The following CADM2 variants were observed in gnomAD, a reference collection of about 807,000 sequenced individuals.
CADM2 encodes immunoglobulin superfamily member 4D.
Under a neutral mutation model 49.8 loss-of-function variants are expected in CADM2, and 12 were observed. The observed-to-expected ratio is 0.24, with a 90% confidence interval of 0.15 to 0.39. The LOEUF is 0.39. CADM2 is among the 10% of genes least tolerant of loss of function. CADM2 has a pLI of 1.00. For missense variants in CADM2, 378 were observed against 492.3 expected, an observed-to-expected ratio of 0.77 and a Z score of 2.20; for synonymous variants, 214 against 175.4, an observed-to-expected ratio of 1.22 and a Z score of -1.74.
At chr3:85,676,803 C>A (rs528929559) in intron 1 of CADM2, among the ~76,000 whole-genome samples, 1 of 152,244 alleles carries the variant, frequency 6.6e-6, no homozygotes, top group South Asian at 2.1e-4. Flanking sequence ...TGCTTTAACA[C>A]TTCTTTGTCA....
intron 1 of CADM2, among the ~76,000 whole-genome samples, chr3:85,601,641 C>T (rs1251651476): frequency 3.3e-5 from 5 of 151,042 alleles, no homozygotes; most frequent in Non-Finnish European, 7.4e-5. Flanking sequence ...TTTAAAAAAA[C>T]GTTTATATTC....
intron 1 of CADM2, among the ~76,000 whole-genome samples, chr3:85,696,420 A>G: frequency 6.6e-6 from 1 of 152,006 alleles, no homozygotes; most frequent in African/African-American, 2.4e-5. Flanking sequence ...TAAGTCTTTA[A>G]TCCACCTTGA....
intron 1 of CADM2, among the ~76,000 whole-genome samples, chr3:85,371,068 C>CA (rs1028934059): frequency 2.0e-5 from 3 of 151,582 alleles, no homozygotes; most frequent in Admixed American, 6.6e-5. Context: ...AGAAAAAAGT[C>CA]AAAAAAATTC....
At chr3:85,650,439 TG>T (rs2065010532) in intron 1 of CADM2, among the ~76,000 whole-genome samples, 1 of 151,598 alleles carries the variant, frequency 6.6e-6, no homozygotes, top group Admixed American at 6.6e-5. Context: ...CAAAGGATAC[TG>T]AGTGTGTGTG....
chr3:85,505,264 T>C (rs1559874686), intron 1 of CADM2, among the ~76,000 whole-genome samples: 2 of 152,376 alleles, frequency 1.3e-5, no homozygotes, highest in East Asian at 3.9e-4. Context: ...AGAAAGGTTA[T>C]TGTTTTATGT....
At position 85,791,904 on chromosome 3, in the gene CADM2, T is replaced by TA. The variant is rs34034083; in HGVS notation, c.89-10142dup. Among the ~76,000 whole-genome samples, 529 of 152,214 alleles carry TA rather than the reference T, an allele frequency of 3.5e-3. 1 individual carries two copies. Among genetic ancestry groups the TA allele is most frequent in the Middle Eastern group, 0.017 (5 of 294 alleles). ...CACCTGGCTAATTTTTTCTACTTTT[T>TA]AGTAGATACAGGGTTTCACCATGTT... On this transcript the variant is annotated intron_variant, in intron 2 of 9. Transcript: ENST00000383699.
chr3:85,448,480 C>T (rs2037582194), intron 1 of CADM2, among the ~76,000 whole-genome samples: 2 of 152,024 alleles, frequency 1.3e-5, no homozygotes, highest in East Asian at 1.9e-4. Context: ...TGATTCTAAA[C>T]AAATAATTGA....
Position 86,066,765 on chromosome 3 carries a change from A to G in CADM2, c.1197A>G (p.Lys399=). ...AEGSQVNAEE[K]KEYFI The stretch of plus-strand genomic sequence containing the variant: ...GCAGCCAAGTCAATGCTGAAGAGAA[A>G]AAAGAGTATTTCATTTAAGATGCAG... The change falls in exon 10 of 10, where the codon AAA becomes AAG. Residue 399 remains lysine, a synonymous_variant. Transcript: ENST00000383699. 6.2e-7 allele frequency: 1 copy of G among 1,611,914 alleles called. No individual in the cohort carries two copies. Among genetic ancestry groups the G allele is most frequent in the Non-Finnish European group, 8.5e-7 (1 of 1,177,992 alleles).
At chr3:85,253,947 C>T (rs889769481) in intron 1 of CADM2, among the ~76,000 whole-genome samples, 6 of 152,066 alleles carry the variant, frequency 3.9e-5, no homozygotes, top group African/African-American at 1.4e-4. Context: ...AGCTGGTTGT[C>T]TTAGAATTCA....
intron 1 of CADM2, among the ~76,000 whole-genome samples, chr3:85,498,552 T>G (rs899591201): frequency 1.3e-5 from 2 of 152,166 alleles, no homozygotes; most frequent in Non-Finnish European, 2.9e-5. Flanking sequence ...TGCATAACAC[T>G]GCTGTGAGGT....
intron 8 of CADM2, among the ~76,000 whole-genome samples, chr3:85,962,980 G>A (rs911167246): frequency 6.6e-6 from 1 of 151,770 alleles, no homozygotes; most frequent in African/African-American, 2.4e-5. Context: ...AAGAAATTTG[G>A]GGGTCTAGTA....
intron 1 of CADM2, among the ~76,000 whole-genome samples, chr3:85,177,288 T>A (rs900913441): frequency 6.6e-6 from 1 of 152,122 alleles, no homozygotes; most frequent in African/African-American, 2.4e-5. Context: ...GAGTGAATGG[T>A]CTTCTATATT....
chr3:85,349,178 A>C (rs1447838775), intron 1 of CADM2, among the ~76,000 whole-genome samples: 1 of 152,206 alleles, frequency 6.6e-6, no homozygotes, highest in Non-Finnish European at 1.5e-5. Context: ...CTCTCATAAG[A>C]GTCCAGAGAT....
chr3:85,424,378 C>G (rs2036305626), intron 1 of CADM2, among the ~76,000 whole-genome samples: 1 of 151,570 alleles, frequency 6.6e-6, no homozygotes, highest in South Asian at 2.1e-4. Context: ...TTCTTAATTA[C>G]AAAGAAATAT....
intron 2 of CADM2, among the ~76,000 whole-genome samples, chr3:85,792,956 A>G (rs1005468281): frequency 4.6e-5 from 7 of 152,220 alleles, no homozygotes; most frequent in Middle Eastern, 6.8e-3. Flanking sequence ...AGTGTGCTGG[A>G]TTCTTGGTGG....
chr3:85,679,349 G>A (rs190593402), intron 1 of CADM2, among the ~76,000 whole-genome samples: 36 of 152,218 alleles, frequency 2.4e-4, no homozygotes, highest in Admixed American at 6.5e-4. Flanking sequence ...ATAAAAACCA[G>A]GGGGAATGGA....
chr3:85,531,474 G>T (rs771531060), intron 1 of CADM2, among the ~76,000 whole-genome samples: 1 of 152,176 alleles, frequency 6.6e-6, no homozygotes, highest in African/African-American at 2.4e-5. Context: ...ATAAGCCAAA[G>T]AGGTTAAAAA....
At chr3:86,012,978 C>T (rs1354662188) in intron 8 of CADM2, 1 of 843,884 alleles carries the variant, frequency 1.2e-6, no homozygotes, top group Non-Finnish European at 2.0e-6. Flanking sequence ...ATCTCAAAAA[C>T]AAAAACAAAA....
chr3:85,392,211 C>G (rs1576470808), intron 1 of CADM2, among the ~76,000 whole-genome samples: 1 of 152,010 alleles, frequency 6.6e-6, no homozygotes, highest in African/African-American at 2.4e-5. Flanking sequence ...TGCTACATCT[C>G]AATATTAAAG....
Sources: allele counts gnomAD v4.1 joint callset (sites outside exome capture counted in the v4.1 genomes callset), GRCh38; gene constraint gnomAD v4.1.1; transcripts MANE v1.5; gene names NCBI Gene and HGNC (gene_info 2026-07-23, HGNC 2026-07-21).